Variants in INTS9 observed in about 807,000 individuals in gnomAD.
INTS9 encodes protein related to CPSF subunits of 74 kDa.
Under a neutral mutation model 79.7 loss-of-function variants are expected in INTS9, and 55 were observed. The observed-to-expected ratio is 0.69, with a 90% confidence interval of 0.56 to 0.86. INTS9 has a LOEUF of 0.86. Among genes scored for constraint, INTS9 ranks in the 40% least tolerant of loss-of-function variants. The pLI, the probability that INTS9 is intolerant of heterozygous loss-of-function variation, is 0.00. For synonymous variants in INTS9, 319 were observed against 325.2 expected, an observed-to-expected ratio of 0.98 and a Z score of 0.20; for missense variants, 721 against 831.5, an observed-to-expected ratio of 0.87 and a Z score of 1.64.
At chr8:28,862,648 T>C (rs1269811069) in intron 1 of INTS9, among the ~76,000 whole-genome samples, 1 of 152,236 alleles carries the variant, frequency 6.6e-6, no homozygotes, top group Non-Finnish European at 1.5e-5. Context: ...AAAAGGACTG[T>C]ACTTATTTAC....
At chr8:28,775,594 C>T (rs1802817376) in intron 14 of INTS9, among the ~76,000 whole-genome samples, 165 bp downstream of exon 14, 1 of 152,154 alleles carries the variant, frequency 6.6e-6, no homozygotes, top group Non-Finnish European at 1.5e-5. Context: ...TCAAGTGATC[C>T]GCCCACCTTG....
intron 1 of INTS9, among the ~76,000 whole-genome samples, chr8:28,884,693 C>A (rs1230236003): frequency 6.6e-6 from 1 of 152,090 alleles, no homozygotes; most frequent in Non-Finnish European, 1.5e-5. Flanking sequence ...TAAAATATGA[C>A]CTTTGAAAAG....
chr8:28,769,828 A>G, intron 16 of INTS9, 61 bp downstream of exon 16: 3 of 1,595,336 alleles, frequency 1.9e-6, no homozygotes, highest in South Asian at 1.1e-5. Flanking sequence ...AGGGGGCCAT[A>G]GTGAGCCAGG....
chr8:28,780,002 G>A (rs1016670976), intron 12 of INTS9, among the ~76,000 whole-genome samples: 7 of 151,532 alleles, frequency 4.6e-5, no homozygotes, highest in African/African-American at 1.7e-4. Context: ...AGTCATGCTT[G>A]CTGGTGAATT....
intron 6 of INTS9, among the ~76,000 whole-genome samples, chr8:28,818,601 G>A (rs1410537309): frequency 6.6e-6 from 1 of 150,870 alleles, no homozygotes; most frequent in African/African-American, 2.4e-5. Context: ...AAGGATATTG[G>A]TCTAAAATTC....
chr8:28,846,656 A>C, intron 4 of INTS9, 91 bp downstream of exon 4: 1 of 935,608 alleles, frequency 1.1e-6, no homozygotes, highest in Non-Finnish European at 1.7e-6. Flanking sequence ...TGAAAACAGG[A>C]AGCTAAGCCT....
At chr8:28,779,123 C>T (rs557573477) in intron 12 of INTS9, among the ~76,000 whole-genome samples, 50 of 151,796 alleles carry the variant, frequency 3.3e-4, no homozygotes, top group African/African-American at 1.0e-3. Context: ...TGTCAAATGT[C>T]GAGTCACCAC....
intron 1 of INTS9, among the ~76,000 whole-genome samples, chr8:28,885,735 C>CAAA (rs1810146411): frequency 6.6e-6 from 1 of 152,160 alleles, no homozygotes. Flanking sequence ...CATGTTCTTT[C>CAAA]GGTAAGGACC....
intron 14 of INTS9, among the ~76,000 whole-genome samples, chr8:28,774,059 C>T (rs778524763): frequency 6.1e-4 from 93 of 152,272 alleles, no homozygotes; most frequent in Non-Finnish European, 1.0e-3. Flanking sequence ...ATTGTCCACC[C>T]GCCTCGGCCT....
chr8:28,850,782 A>G (rs1038563243), intron 2 of INTS9, among the ~76,000 whole-genome samples: 2 of 152,200 alleles, frequency 1.3e-5, no homozygotes, highest in Admixed American at 1.3e-4. Context: ...ACAGCTTTAC[A>G]AGTGGATTAG....
In INTS9 at chr8:28,837,788, G is replaced by A. The variant is rs1283193091; in HGVS notation, c.262-12C>T. 6.2e-7 allele frequency: 1 copy of A among 1,611,324 alleles called. No homozygotes were observed. The highest frequency in any genetic ancestry group is 8.5e-7 in the Non-Finnish European group (1 of 1,178,198). The stretch of plus-strand genomic sequence containing the variant: ...TCTATTAGCTCCGTCTGAAAAGAAA[G>A]GGAGGGAATGATATATATCTGTTCA... On this transcript the variant is annotated splice_polypyrimidine_tract_variant and intron_variant, in intron 4 of 16. Coordinates refer to ENST00000521022, the MANE Select transcript of INTS9 (RefSeq NM_018250.4).
chr8:28,793,682 C>G, intron 10 of INTS9, 125 bp downstream of exon 10: 1 of 930,740 alleles, frequency 1.1e-6, no homozygotes, highest in South Asian at 2.2e-5. Flanking sequence ...TTATCACAGA[C>G]AGAAAAACAA....
intron 1 of INTS9, among the ~76,000 whole-genome samples, chr8:28,874,241 A>C (rs1265783495): frequency 3.9e-5 from 6 of 152,070 alleles, no homozygotes; most frequent in Admixed American, 3.3e-4. Context: ...AGATTTCCAA[A>C]GGGAAAAAAT....
chr8:28,822,846 G>C (rs765374244), intron 6 of INTS9, among the ~76,000 whole-genome samples: 26 of 152,072 alleles, frequency 1.7e-4, no homozygotes, highest in Admixed American at 4.6e-4. Context: ...TAGATGTGCA[G>C]ATCTACTGCC....
In INTS9 at chr8:28,832,459, C is replaced by T. The variant is rs527246480; in HGVS notation, c.488+2833G>A. ...GTGTGCACAGATAAGCCTACTTCCT[C>T]GTCCCCTGACACAAGAAGCGGCTGA... On this transcript the variant is annotated intron_variant, in intron 6 of 16. Coordinates refer to ENST00000521022, the MANE Select transcript of INTS9 (RefSeq NM_018250.4). Among the ~76,000 whole-genome samples, 169 of 152,256 alleles carry T rather than the reference C, an allele frequency of 1.1e-3. 1 individual carries two copies. The highest frequency in any genetic ancestry group is 4.0e-3 in the African/African-American group (166 of 41,508).
chr8:28,877,524 C>T (rs957602136), intron 1 of INTS9, among the ~76,000 whole-genome samples: 1 of 152,178 alleles, frequency 6.6e-6, no homozygotes, highest in African/African-American at 2.4e-5. Context: ...AATGCATATA[C>T]CCTTTGAACC....
At chr8:28,863,022 A>ACACT (rs1226868821) in intron 1 of INTS9, among the ~76,000 whole-genome samples, 3 of 152,228 alleles carry the variant, frequency 2.0e-5, no homozygotes, top group African/African-American at 7.2e-5. Flanking sequence ...ATGAATGGAT[A>ACACT]CACTGCCTGG....
At chr8:28,828,779 A>C (rs552944627) in intron 6 of INTS9, among the ~76,000 whole-genome samples, 1 of 152,126 alleles carries the variant, frequency 6.6e-6, no homozygotes, top group Non-Finnish European at 1.5e-5. Context: ...GCTCACCGCA[A>C]CTTCCACCTC....
intron 10 of INTS9, among the ~76,000 whole-genome samples, chr8:28,789,795 T>C (rs1803821697): frequency 6.6e-6 from 1 of 152,128 alleles, no homozygotes; most frequent in Non-Finnish European, 1.5e-5. Context: ...GGAGGATCGC[T>C]TGAGACCAGG....
Sources: gnomAD v4.1 joint callset for allele counts (sites outside exome capture counted in the v4.1 genomes callset) on GRCh38, gnomAD v4.1.1 for gene constraint, MANE v1.5 for transcripts, NCBI Gene and HGNC (gene_info 2026-07-23, HGNC 2026-07-21) for gene names.